The following NUSAP1 variants were observed in gnomAD, a reference collection of about 807,000 sequenced individuals.
NUSAP1 encodes nucleolar and spindle-associated protein 1.
Under a neutral mutation model 52.8 loss-of-function variants are expected in NUSAP1, and 32 were observed. The observed-to-expected ratio is 0.61, with a 90% CI of 0.46 to 0.81. The LOEUF (loss-of-function observed/expected upper bound fraction) is 0.81. NUSAP1 is among the 40% of genes least tolerant of loss of function. The pLI is 0.00. For missense variants in NUSAP1, 499 were observed against 522.3 expected (o/e 0.96, Z 0.43); for synonymous variants, 195 against 183.1 (o/e 1.06, Z -0.52).
chr15:41,369,119 C>T (rs956146398), intron 7 of NUSAP1, among the ~76,000 whole-genome samples: 2 of 152,030 alleles, frequency 1.3e-5, no homozygotes, highest in African/African-American at 2.4e-5. Context: ...AGTAATGGCT[C>T]ACTGCAGCCT....
intron 4 of NUSAP1, among the ~76,000 whole-genome samples, chr15:41,354,099 G>A (rs1342581598): frequency 6.6e-6 from 1 of 152,106 alleles, no homozygotes; most frequent in African/African-American, 2.4e-5. Context: ...TAATAAGCTG[G>A]CTACAGTGGC....
chr15:41,371,101 A>G (rs867517729), intron 7 of NUSAP1, among the ~76,000 whole-genome samples: 2 of 152,214 alleles, frequency 1.3e-5, no homozygotes, highest in Non-Finnish European at 2.9e-5. Context: ...ACACAAATGA[A>G]TGACATTCTT....
At chr15:41,366,898 G>A (rs1472477010) in intron 7 of NUSAP1, among the ~76,000 whole-genome samples, 2 of 152,184 alleles carry the variant, frequency 1.3e-5, no homozygotes, top group Admixed American at 6.5e-5. Flanking sequence ...ATACTCATAT[G>A]AATAGGTCTT....
chr15:41,348,688 G>A (rs2048670375), intron 2 of NUSAP1, among the ~76,000 whole-genome samples: 1 of 152,186 alleles, frequency 6.6e-6, no homozygotes, highest in Non-Finnish European at 1.5e-5. Flanking sequence ...TGCCCAGGCT[G>A]GAGTGCAATG....
At chr15:41,354,670 G>GATATATATATATATATAT (rs10541882) in intron 4 of NUSAP1, among the ~76,000 whole-genome samples, 3 of 146,088 alleles carry the variant, frequency 2.1e-5, no homozygotes, top group African/African-American at 7.6e-5. Context: ...TGTTTTAACC[G>GATATATATATATATATAT]ATATATATAT....
At chr15:41,376,268 C>T (rs1276648094) in intron 9 of NUSAP1, among the ~76,000 whole-genome samples, 7 of 150,516 alleles carry the variant, frequency 4.7e-5, no homozygotes, top group African/African-American at 9.8e-5. Context: ...GGCGTGGTGG[C>T]GGCGCCTGTA....
At chr15:41,366,725 A>G (rs2049433486) in intron 7 of NUSAP1, among the ~76,000 whole-genome samples, 1 of 152,144 alleles carries the variant, frequency 6.6e-6, no homozygotes, top group African/African-American at 2.4e-5. Context: ...GGTATTTCAT[A>G]TATTTCCCTA....
rs531453630 is a variant in NUSAP1, at chr15:41,350,847, GAACCA to G, written c.307-138_307-134del. Reference sequence around the variant, plus strand: ...TTCTCGTGACAGTTGATAAGGCAGAGAACCAAATCTGCCACCAAAAATCTCATTCT... The same window carrying G: ...TTCTCGTGACAGTTGATAAGGCAGAGAATCTGCCACCAAAAATCTCATTCT... On this transcript the variant is annotated intron_variant, in intron 3 of 10. Coordinates refer to ENST00000559596, the MANE Select transcript of NUSAP1 (RefSeq NM_016359.5). 1,028 of 680,864 alleles carry G rather than the reference GAACCA, an allele frequency of 1.5e-3. 27 individuals carry two copies. In the South Asian group the frequency reaches 0.02, roughly 13 times the overall value. The allele number at this position is 680,864 out of a possible 1,614,324, so 42.2% of individuals were successfully genotyped here.
At chr15:41,357,417 C>A (rs2049013648) in intron 5 of NUSAP1, among the ~76,000 whole-genome samples, 2 of 151,816 alleles carry the variant, frequency 1.3e-5, no homozygotes, top group Non-Finnish European at 2.9e-5. Context: ...GAGACAGAGA[C>A]CATACCATAT....
In NUSAP1 at chr15:41,332,948, T is replaced by C; in HGVS notation, c.-10T>C. 1 of 1,603,258 alleles carries C rather than the reference T, an allele frequency of 6.2e-7. No individual in the cohort carries two copies. The highest frequency in any genetic ancestry group is 8.5e-7 in the Non-Finnish European group (1 of 1,173,814). ...CCATCTTCCGAGTATCGCCGGGATT[T>C]CGAATCGCGATGATCATCCCCTCTC... On this transcript the variant is annotated 5_prime_UTR_variant, in exon 1 of 11. Transcript: ENST00000559596.
intron 1 of NUSAP1, among the ~76,000 whole-genome samples, chr15:41,339,924 G>C (rs189847933): frequency 9.9e-4 from 151 of 152,052 alleles, no homozygotes; most frequent in Non-Finnish European, 1.8e-3. Flanking sequence ...TCAGACTACA[G>C]GTGCCCACCA....
At chr15:41,360,363 C>T (rs2049126487) in intron 6 of NUSAP1, among the ~76,000 whole-genome samples, 1 of 152,110 alleles carries the variant, frequency 6.6e-6, no homozygotes, top group African/African-American at 2.4e-5. Flanking sequence ...CTTGCCCAGA[C>T]TGGAGTGCAA....
In NUSAP1 at chr15:41,332,943, G is replaced by T. The variant is rs765595305; in HGVS notation, c.-15G>T. 1 of 1,596,976 alleles carries T rather than the reference G, an allele frequency of 6.3e-7. No homozygotes were observed. The highest frequency in any genetic ancestry group is 2.3e-5 in the East Asian group (1 of 44,378). On this transcript the variant is annotated 5_prime_UTR_variant, in exon 1 of 11. Transcript: ENST00000559596. The stretch of plus-strand genomic sequence containing the variant: ...GTGATCCATCTTCCGAGTATCGCCG[G>T]GATTTCGAATCGCGATGATCATCCC...
intron 7 of NUSAP1, 74 bp from the exon 8 acceptor site, chr15:41,371,453 G>A (rs757850114): frequency 2.8e-5 from 36 of 1,271,976 alleles, no homozygotes; most frequent in Non-Finnish European, 3.7e-5. Flanking sequence ...ATAGTCAAGT[G>A]GTTTTATTTA....
chr15:41,339,901 C>T (rs946514353), intron 1 of NUSAP1, among the ~76,000 whole-genome samples: 1 of 152,064 alleles, frequency 6.6e-6, no homozygotes, highest in Non-Finnish European at 1.5e-5. Flanking sequence ...CCCGCCTCAG[C>T]CTCCTGAGTA....
intron 7 of NUSAP1, among the ~76,000 whole-genome samples, chr15:41,367,655 G>C (rs957842432): frequency 2.0e-5 from 3 of 151,550 alleles, no homozygotes; most frequent in African/African-American, 7.3e-5. Flanking sequence ...TGGGAGACTT[G>C]GGTATTATTA....
intron 3 of NUSAP1, 72 bp downstream of exon 3, chr15:41,349,313 T>C (rs2048696915): frequency 2.1e-6 from 3 of 1,434,286 alleles, no homozygotes; most frequent in Admixed American, 1.9e-5. Flanking sequence ...GAGATTTCTT[T>C]TTAAATTCCC....
intron 10 of NUSAP1, among the ~76,000 whole-genome samples, chr15:41,378,182 C>T (rs542538693): frequency 6.6e-6 from 1 of 152,272 alleles, no homozygotes; most frequent in African/African-American, 2.4e-5. Context: ...TGCCTAAACA[C>T]AGGGCATGTG....
At chr15:41,350,889 TCCTTTAACC>T in intron 3 of NUSAP1, 90 bp from the exon 4 acceptor site, 2 of 1,007,820 alleles carry the variant, frequency 2.0e-6, no homozygotes, top group Non-Finnish European at 2.8e-6. Flanking sequence ...CTACTTTTCT[TCCTTTAACC>T]CCTTTTCCCC....
Sources: allele counts gnomAD v4.1 joint callset (sites outside exome capture counted in the v4.1 genomes callset), GRCh38; gene constraint gnomAD v4.1.1; transcripts MANE v1.5; gene names NCBI Gene and HGNC (gene_info 2026-07-23, HGNC 2026-07-21).